The following MAP3K7CL variants were observed in gnomAD, a reference collection of about 807,000 sequenced individuals.
MAP3K7CL encodes the protein MAP3K7 C-terminal like, also known as MAP3K7 C-terminal-like protein.
MAP3K7CL carries 16 observed loss-of-function variants against 18.6 expected under a neutral mutation model. The observed-to-expected ratio is 0.86, with a 90% confidence interval of 0.58 to 1.31. MAP3K7CL has a LOEUF of 1.31. Ranked by LOEUF, MAP3K7CL falls within the 50% of genes most tolerant of loss-of-function variation. The pLI is 0.00. For missense variants in MAP3K7CL, 163 were observed against 174.4 expected (o/e 0.93, Z 0.37); for synonymous variants, 65 against 66.8 (o/e 0.97, Z 0.13).
At chr21:29,094,390 A>T (rs560565822) in intron 4 of MAP3K7CL, among the ~76,000 whole-genome samples, 1 of 152,222 alleles carries the variant, frequency 6.6e-6, no homozygotes, top group South Asian at 2.1e-4. Context: ...CTCCATCCCA[A>T]CATTTTCTGA....
intron 3 of MAP3K7CL, among the ~76,000 whole-genome samples, chr21:29,155,673 G>A (rs1306563475): frequency 6.6e-6 from 1 of 152,170 alleles, no homozygotes; most frequent in Non-Finnish European, 1.5e-5. Flanking sequence ...GGATACCAGA[G>A]ATAGCAGCAG....
chr21:29,135,050 CAA>C (rs147529791), intron 2 of MAP3K7CL, among the ~76,000 whole-genome samples: 1 of 118,272 alleles, frequency 8.5e-6, no homozygotes, highest in African/African-American at 3.0e-5. Flanking sequence ...GACTCCATCT[CAA>C]AAAAAAAACA....
At chr21:29,091,461 A>G (rs768748833) in intron 1 of MAP3K7CL, 6 of 650,510 alleles carry the variant, frequency 9.2e-6, no homozygotes, top group Non-Finnish European at 1.4e-5. Context: ...CTGAGTGTAC[A>G]TTTTCTTTTC....
At chr21:29,084,231 A>G (rs1225645839), upstream of MAP3K7CL, among the ~76,000 whole-genome samples, 1 of 152,034 alleles carries the variant, frequency 6.6e-6, no homozygotes, top group Non-Finnish European at 1.5e-5. Flanking sequence ...CTACCACATC[A>G]TAAGTAGCAC....
At chr21:29,143,472 G>T (rs1291076673) in intron 2 of MAP3K7CL, among the ~76,000 whole-genome samples, 2 of 151,724 alleles carry the variant, frequency 1.3e-5, no homozygotes, top group Non-Finnish European at 2.9e-5. Flanking sequence ...GCCCAGGCTG[G>T]AGTACAGTTG....
upstream of MAP3K7CL, among the ~76,000 whole-genome samples, chr21:29,126,453 TTTTGTTTG>T (rs1047156009): frequency 6.6e-6 from 1 of 152,112 alleles, no homozygotes; most frequent in Non-Finnish European, 1.5e-5. Context: ...CTTTCTGTTT[TTTTGTTTG>T]TTTGTTTGTT....
intron 4 of MAP3K7CL, among the ~76,000 whole-genome samples, chr21:29,170,621 GTCTC>G (rs67579815): frequency 1.3e-5 from 2 of 151,452 alleles, no homozygotes; most frequent in Non-Finnish European, 1.5e-5. Context: ...TTTAAAGCAT[GTCTC>G]TCTCTCTTTC....
intron 4 of MAP3K7CL, among the ~76,000 whole-genome samples, chr21:29,123,068 T>A (rs1885012203): frequency 6.8e-6 from 1 of 145,994 alleles, no homozygotes; most frequent in African/African-American, 2.5e-5. Context: ...TTTTTTTTTT[T>A]TTTTTTTTTT....
chr21:29,107,470 A>G (rs1220686830), intron 4 of MAP3K7CL, among the ~76,000 whole-genome samples: 1 of 152,174 alleles, frequency 6.6e-6, no homozygotes, highest in Admixed American at 6.5e-5. Context: ...TTGTTTCCGC[A>G]GGAAAAGTGG....
intron 4 of MAP3K7CL, among the ~76,000 whole-genome samples, chr21:29,119,193 T>C (rs891689053): frequency 6.6e-6 from 1 of 152,218 alleles, no homozygotes; most frequent in Non-Finnish European, 1.5e-5. Context: ...CTGACAATAT[T>C]AGGCTCGTGT....
At chr21:29,132,991 C>T (rs188124145) in intron 1 of MAP3K7CL, among the ~76,000 whole-genome samples, 1 of 152,020 alleles carries the variant, frequency 6.6e-6, no homozygotes, top group African/African-American at 2.4e-5. Context: ...CTTTATATGA[C>T]CTTAAAGAGG....
chr21:29,130,733 G>A lies in MAP3K7CL; in HGVS notation c.-230G>A, dbSNP rs915747888. The A allele has an allele frequency of 3.9e-5, 38 of 985,464 alleles. No homozygotes were observed. The highest frequency in any genetic ancestry group is 1.2e-4 in the Admixed American group (2 of 16,268). The allele number at this position is 985,464 out of a possible 1,614,324, so 61.0% of individuals were successfully genotyped here. A position where few individuals can be genotyped will look rare whatever the true frequency, so the allele number is the denominator to read the frequency against. On this transcript the variant is annotated 5_prime_UTR_variant, in exon 1 of 5. Coordinates refer to ENST00000399928, the MANE Select transcript of MAP3K7CL (RefSeq NM_001286620.2). ...GAAGGGAAGGGAGGTCCCGTGGGACGCTGGGGTCTGGGGCAGAGCAGGTAG... is the reference window on the plus strand; with the variant it reads ...GAAGGGAAGGGAGGTCCCGTGGGACACTGGGGTCTGGGGCAGAGCAGGTAG...
intron 4 of MAP3K7CL, among the ~76,000 whole-genome samples, chr21:29,106,192 T>C (rs2086319595): frequency 6.6e-6 from 1 of 151,876 alleles, no homozygotes; most frequent in Non-Finnish European, 1.5e-5. Context: ...AAACGGCACT[T>C]TTTTTTTGTT....
chr21:29,154,844 A>G (rs779768398), intron 3 of MAP3K7CL, among the ~76,000 whole-genome samples: 2 of 152,244 alleles, frequency 1.3e-5, no homozygotes, highest in Non-Finnish European at 1.5e-5. Flanking sequence ...CCACACAGAA[A>G]ACATATATAG....
intron 4 of MAP3K7CL, among the ~76,000 whole-genome samples, chr21:29,116,605 T>C (rs1348734124): frequency 6.6e-6 from 1 of 152,220 alleles, no homozygotes; most frequent in Admixed American, 6.5e-5. Context: ...AAAGTCTTCC[T>C]TTAAGAAACC....
At chr21:29,112,645 G>C (rs1325113214) in intron 4 of MAP3K7CL, among the ~76,000 whole-genome samples, 1 of 150,132 alleles carries the variant, frequency 6.7e-6, no homozygotes, top group African/African-American at 2.5e-5. Flanking sequence ...TTTTCATTCT[G>C]TGTTCCCTTC....
upstream of MAP3K7CL, chr21:29,085,752 G>A: frequency 9.4e-7 from 1 of 1,059,452 alleles, no homozygotes; most frequent in Non-Finnish European, 1.5e-6. Context: ...TGGTTAGTAT[G>A]TTGTTTGAAG....
chr21:29,159,239 G>A (rs760082646), intron 3 of MAP3K7CL, among the ~76,000 whole-genome samples: 6 of 152,126 alleles, frequency 3.9e-5, no homozygotes, highest in African/African-American at 9.7e-5. Context: ...GGGAAAACTC[G>A]TTCTTTAAAA....
At chr21:29,145,071 A>G (rs1490560457) in intron 2 of MAP3K7CL, among the ~76,000 whole-genome samples, 2 of 152,156 alleles carry the variant, frequency 1.3e-5, no homozygotes, top group African/African-American at 4.8e-5. Flanking sequence ...CTTAGGATAC[A>G]TTTTGCTTGG....
Sources: gnomAD v4.1 joint callset for allele counts (sites outside exome capture counted in the v4.1 genomes callset) on GRCh38, gnomAD v4.1.1 for gene constraint, MANE v1.5 for transcripts, NCBI Gene and HGNC (gene_info 2026-07-23, HGNC 2026-07-21) for gene names.